ACYP2: variants seen among roughly 807,000 people sequenced by gnomAD.
The protein encoded by ACYP2 is acylphosphatase-2.
A neutral mutation model predicts 11.2 loss-of-function variants in ACYP2; 12 were observed. The ratio of observed to expected loss-of-function variants is 1.08; its 90% CI spans 0.69 to 1.74. The LOEUF (loss-of-function observed/expected upper bound fraction) is 1.74. Ranked by LOEUF, ACYP2 falls within the 40% of genes most tolerant of loss-of-function variation. The pLI is 0.00. For synonymous variants in ACYP2, 43 were observed against 32.2 expected, an observed-to-expected ratio of 1.33 and a Z score of -1.13; for missense variants, 134 against 101.9, an observed-to-expected ratio of 1.31 and a Z score of -1.35.
At position 54,281,979 on chromosome 2, in the gene ACYP2, T is replaced by C. The variant is rs182529380; in HGVS notation, c.405-22709T>C. ...TACTGTTTATTTTCATTTTTTCATG[T>C]ATACACTTACTTATTTATATCCTAT... On this transcript the variant is annotated intron_variant, in intron 6 of 6. Transcript: ENST00000607452. Among the ~76,000 whole-genome samples, 443 of 152,334 alleles carry C rather than the reference T, an allele frequency of 2.9e-3. 2 individuals carry two copies. Among genetic ancestry groups the C allele is most frequent in the Non-Finnish European group, 5.0e-3 (342 of 68,032 alleles).
chr2:54,163,141 A>G (rs781714827), intron 6 of ACYP2, among the ~76,000 whole-genome samples: 1 of 152,228 alleles, frequency 6.6e-6, no homozygotes, highest in Non-Finnish European at 1.5e-5. Flanking sequence ...ACTCCCAAAC[A>G]GTATGGATTT....
At chr2:54,115,891 C>G in intron 4 of ACYP2, 135 bp downstream of exon 1, 3 of 1,169,734 alleles carry the variant, frequency 2.6e-6, no homozygotes, top group Non-Finnish European at 2.3e-6. Flanking sequence ...GACACAGCAG[C>G]GGCGGCGGGG....
intron 6 of ACYP2, among the ~76,000 whole-genome samples, chr2:54,186,338 A>G (rs115190031): frequency 6.6e-6 from 1 of 152,186 alleles, no homozygotes; most frequent in African/African-American, 2.4e-5. Flanking sequence ...CAGGCACTGC[A>G]GTTTGTATTG....
In ACYP2 at chr2:54,079,310, G is replaced by A. The variant is rs541688287; in HGVS notation, c.277+21950G>A. Among the ~76,000 whole-genome samples, 36 of 152,300 alleles carry A rather than the reference G, an allele frequency of 2.4e-4. No individual in the cohort carries two copies. The South Asian group carries it at 7.5e-3, about 32-fold the overall frequency. ...TGGGGAGAGGGTTAACCCCATTCTA[G>A]TAATTCCATCCACCTTGCTACCATT... On this transcript the variant is annotated intron_variant, in intron 4 of 6. Transcript: ENST00000607452.
At chr2:54,074,237 T>C (rs954416056) in intron 4 of ACYP2, among the ~76,000 whole-genome samples, 5 of 152,254 alleles carry the variant, frequency 3.3e-5, no homozygotes, top group Middle Eastern at 3.4e-3. Flanking sequence ...CCTAGCTACT[T>C]AGTGTGCTGA....
At chr2:53,998,518 T>C (rs112084007) in intron 2 of ACYP2, among the ~76,000 whole-genome samples, 1,660 of 152,188 alleles carry the variant, frequency 0.011, 27 homozygotes, top group African/African-American at 0.038. Context: ...ACTTAACACA[T>C]AAAAGTTTAT....
intron 6 of ACYP2, among the ~76,000 whole-genome samples, chr2:54,162,976 T>A (rs1682791095): frequency 6.6e-6 from 1 of 152,220 alleles, no homozygotes; most frequent in Non-Finnish European, 1.5e-5. Flanking sequence ...AGTGAGACCC[T>A]GTCTCAGAAA....
At chr2:54,101,136 A>G (rs1678869216) in intron 4 of ACYP2, among the ~76,000 whole-genome samples, 1 of 152,240 alleles carries the variant, frequency 6.6e-6, no homozygotes, top group Non-Finnish European at 1.5e-5. Flanking sequence ...GCCCTGTGAG[A>G]GAGCTGCATT....
chr2:54,042,186 A>T (rs767769753), intron 2 of ACYP2, among the ~76,000 whole-genome samples: 2 of 152,054 alleles, frequency 1.3e-5, no homozygotes, highest in Non-Finnish European at 2.9e-5. Context: ...TTGTATTTTT[A>T]GTAGACACAG....
chr2:54,088,628 C>T (rs1175636542), intron 4 of ACYP2, among the ~76,000 whole-genome samples: 2 of 152,182 alleles, frequency 1.3e-5, no homozygotes, highest in Non-Finnish European at 2.9e-5. Context: ...CCAAGCTGCA[C>T]AGGAAGAAGA....
intron 6 of ACYP2, chr2:54,255,595 T>C (rs759576559): frequency 9.3e-6 from 15 of 1,612,978 alleles, no homozygotes; most frequent in South Asian, 3.3e-5. Flanking sequence ...AGGCCCTGCC[T>C]CCCTGTTTAC....
chr2:54,197,942 A>ATG (rs1354658076), intron 6 of ACYP2, among the ~76,000 whole-genome samples: 8 of 69,566 alleles, frequency 1.1e-4, no homozygotes, highest in East Asian at 4.9e-4. Context: ...TGTATGTATT[A>ATG]TATTGTATTG....
chr2:54,086,738 G>A (rs1321441080), intron 4 of ACYP2, among the ~76,000 whole-genome samples: 6 of 152,232 alleles, frequency 3.9e-5, no homozygotes, highest in Non-Finnish European at 8.8e-5. Context: ...AGCGCAGACT[G>A]CTACAGGTTC....
intron 2 of ACYP2, among the ~76,000 whole-genome samples, chr2:54,044,877 G>A (rs1361049987): frequency 6.6e-6 from 1 of 152,110 alleles, no homozygotes. Context: ...AATCAGAAAA[G>A]AAGGGAGGGA....
chr2:54,183,962 G>A (rs1683861956), intron 6 of ACYP2, among the ~76,000 whole-genome samples: 2 of 152,184 alleles, frequency 1.3e-5, no homozygotes, highest in African/African-American at 4.8e-5. Context: ...AGTAATGCGA[G>A]TTATTTCTCT....
intron 6 of ACYP2, among the ~76,000 whole-genome samples, chr2:54,298,283 T>C (rs1689597182): frequency 6.6e-6 from 1 of 152,224 alleles, no homozygotes; most frequent in Admixed American, 6.5e-5. Context: ...GAAATGTCTA[T>C]TCAAAATTAA....
At chr2:54,023,670 T>A (rs1204602001) in intron 2 of ACYP2, among the ~76,000 whole-genome samples, 1 of 152,232 alleles carries the variant, frequency 6.6e-6, no homozygotes, top group Non-Finnish European at 1.5e-5. Flanking sequence ...GGGTATTGTA[T>A]GTATTTTTGC....
At chr2:54,025,459 A>T (rs759543302) in intron 2 of ACYP2, among the ~76,000 whole-genome samples, 1 of 152,306 alleles carries the variant, frequency 6.6e-6, no homozygotes, top group Non-Finnish European at 1.5e-5. Flanking sequence ...CACAGCAAAC[A>T]AAAACATAAA....
intron 4 of ACYP2, among the ~76,000 whole-genome samples, chr2:54,112,096 T>A (rs1162102091): frequency 6.6e-6 from 1 of 152,224 alleles, no homozygotes; most frequent in Admixed American, 6.5e-5. Flanking sequence ...ATGTGTATTA[T>A]CTATGCTTAT....
Sources: allele counts gnomAD v4.1 joint callset (sites outside exome capture counted in the v4.1 genomes callset), GRCh38; gene constraint gnomAD v4.1.1; transcripts MANE v1.5; gene names NCBI Gene and HGNC (gene_info 2026-07-23, HGNC 2026-07-21).